FAT2: variants seen among roughly 807,000 people sequenced by gnomAD.
FAT2 encodes the protein protocadherin Fat 2.
Under a neutral mutation model 295.3 loss-of-function variants are expected in FAT2, and 150 were observed. The ratio of observed to expected loss-of-function variants is 0.51; its 90% CI spans 0.44 to 0.58. The LOEUF is 0.58. Among genes scored for constraint, FAT2 ranks in the 20% least tolerant of loss-of-function variants. The pLI is 0.00. For synonymous variants in FAT2, 2,026 were observed against 2,150.3 expected (o/e 0.94, Z 1.60); for missense variants, 4,868 against 5,442.7 (o/e 0.89, Z 3.32).
chr5:151,527,879 G>T, intron 16 of FAT2, 117 bp downstream of exon 16: 1 of 1,332,060 alleles, frequency 7.5e-7, no homozygotes, highest in East Asian at 2.3e-5. Context: ...AGACATTCTG[G>T]GAAGGTCTGA....
intron 20 of FAT2, among the ~76,000 whole-genome samples, chr5:151,515,812 A>G (rs1023988198): frequency 2.6e-5 from 4 of 152,174 alleles, no homozygotes; most frequent in African/African-American, 4.8e-5. Flanking sequence ...TTGTTTCTCT[A>G]AAGTCGATTC....
At chr5:151,575,510 G>A (rs1758708752) in intron 1 of FAT2, among the ~76,000 whole-genome samples, 1 of 152,228 alleles carries the variant, frequency 6.6e-6, no homozygotes, top group Non-Finnish European at 1.5e-5. Context: ...ACCTCCTGGA[G>A]TTGTTGAGAA....
At chr5:151,554,269 G>T in intron 5 of FAT2, 93 bp downstream of exon 5, 1 of 1,161,624 alleles carries the variant, frequency 8.6e-7, no homozygotes, top group Non-Finnish European at 1.2e-6. Context: ...TTTCCCTTAT[G>T]CTGGTGGGCT....
chr5:151,535,844 T>C (rs1755216796), intron 12 of FAT2, among the ~76,000 whole-genome samples: 1 of 152,180 alleles, frequency 6.6e-6, no homozygotes, highest in South Asian at 2.1e-4. Flanking sequence ...GGGTCTCCGC[T>C]GCTTGTTGTA....
rs996922642 is a variant in FAT2 at position 151,505,252 on chromosome 5, C to G, written c.*313G>C. On this transcript the variant is annotated 3_prime_UTR_variant, in exon 24 of 24. Transcript: ENST00000261800. ...AGGCTCTGCCCCGGGGACTGAGAGC[C>G]GGCAGATCAGGGAGCCCTCCTGTCT... 4.5e-6 allele frequency: 2 copies of G among 446,276 alleles called. No individual in the cohort carries two copies. Among genetic ancestry groups the G allele is most frequent in the Non-Finnish European group, 8.0e-6 (2 of 248,968 alleles). 27.6% of individuals were successfully genotyped at this position (446,276 alleles called of 1,614,324 possible). A position where few individuals can be genotyped will look rare whatever the true frequency, so the allele number is the denominator to read the frequency against.
At chr5:151,563,209 G>A (rs1758097328) in intron 3 of FAT2, 116 bp downstream of exon 3, 2 of 970,222 alleles carry the variant, frequency 2.1e-6, no homozygotes, top group Non-Finnish European at 3.1e-6. Context: ...TTTAGGGTGG[G>A]GCCAGAGAAT....
chr5:151,526,672 T>C (rs1366365572), intron 17 of FAT2, among the ~76,000 whole-genome samples: 1 of 152,186 alleles, frequency 6.6e-6, no homozygotes, highest in Non-Finnish European at 1.5e-5. Context: ...TCAGGTAACT[T>C]ATTATTTGCA....
chr5:151,565,657 ACCCC>A lies in FAT2; in HGVS notation c.3259+12_3259+15del. On this transcript the variant is annotated intron_variant, in intron 2 of 23. Transcript: ENST00000261800. ...ACCTCTGGCCCTGGCACCCCACCCTACCCCACCCCCAGTACCTGTATCTTGGTTG... is the reference window on the plus strand; with the variant it reads ...ACCTCTGGCCCTGGCACCCCACCCTAACCCCCAGTACCTGTATCTTGGTTG... 21 of 1,038,234 alleles carry A rather than the reference ACCCC, an allele frequency of 2.0e-5. No homozygotes were observed. The highest frequency in any genetic ancestry group is 2.6e-5 in the Non-Finnish European group (19 of 741,672). 64.3% of individuals were successfully genotyped at this position (1,038,234 alleles called of 1,614,324 possible).
At chr5:151,507,660 C>T in intron 22 of FAT2, 49 bp from the exon 23 acceptor site, 1 of 1,503,122 alleles carries the variant, frequency 6.7e-7, no homozygotes, top group East Asian at 2.3e-5. Context: ...TTGCCCTTTC[C>T]ATGTCCCCTC....
At chr5:151,517,976 T>C (rs1429383097) in intron 19 of FAT2, among the ~76,000 whole-genome samples, 1 of 152,206 alleles carries the variant, frequency 6.6e-6, no homozygotes, top group African/African-American at 2.4e-5. Flanking sequence ...TTTTGTTGAC[T>C]GCAGGGACCC....
intron 11 of FAT2, 105 bp from the exon 12 acceptor site, chr5:151,538,051 C>T: frequency 1.1e-6 from 1 of 940,818 alleles, no homozygotes; most frequent in East Asian, 2.5e-5. Context: ...AAGAGAGACA[C>T]TAAGAGGGCA....
At chr5:151,580,949 C>T (rs999640215) in intron 1 of FAT2, among the ~76,000 whole-genome samples, 2 of 152,128 alleles carry the variant, frequency 1.3e-5, no homozygotes, top group Non-Finnish European at 2.9e-5. Context: ...AAAAGGAATA[C>T]TGTTCCTCTT....
Position 151,542,848 on chromosome 5 carries a change from G to A in FAT2, c.8279C>T (p.Thr2760Ile). Residue 2760 changes from threonine (T) to isoleucine (I), a missense_variant, in exon 10 of 24, where the codon ACC becomes ATC. Around this residue, in one of 5 missense-constraint regions of FAT2, gnomAD observed 3,297 missense variants for 3,669.4 expected, o/e 0.90. Coordinates refer to ENST00000261800, the MANE Select transcript of FAT2 (RefSeq NM_001447.3). The stretch of plus-strand genomic sequence containing the variant: ...CATCACATCAATCTGGTACAATTTG[G>A]TGGATTCGTGGTCCATGGGCTTCCT... ...KVRKPMDHES[T>I]KLYQIDVMAH... 6.2e-7 allele frequency: 1 copy of A among 1,614,164 alleles called. No homozygotes were observed. The highest frequency in any genetic ancestry group is 8.5e-7 in the Non-Finnish European group (1 of 1,180,026).
intron 3 of FAT2, among the ~76,000 whole-genome samples, chr5:151,557,189 C>T (rs1241983314): frequency 6.6e-6 from 1 of 152,180 alleles, no homozygotes; most frequent in Non-Finnish European, 1.5e-5. Flanking sequence ...ATCTATGGAA[C>T]ATGTTTGCAT....
chr5:151,562,468 G>A (rs1434800445), intron 3 of FAT2, among the ~76,000 whole-genome samples: 1 of 152,174 alleles, frequency 6.6e-6, no homozygotes, highest in African/African-American at 2.4e-5. Flanking sequence ...AGCCAGGCAG[G>A]TGGTGTCAAT....
At chr5:151,556,884 C>T (rs553876399) in intron 3 of FAT2, among the ~76,000 whole-genome samples, 1 of 152,170 alleles carries the variant, frequency 6.6e-6, no homozygotes, top group Non-Finnish European at 1.5e-5. Flanking sequence ...GGAATATGAC[C>T]TCACTGTAGG....
chr5:151,535,355 T>C (rs1450747416), intron 12 of FAT2, among the ~76,000 whole-genome samples: 3 of 152,018 alleles, frequency 2.0e-5, no homozygotes, highest in African/African-American at 7.3e-5. Context: ...CCTTTTCTAA[T>C]TGTGGGTTTT....
At chr5:151,565,458 C>T (rs9324698) in intron 2 of FAT2, among the ~76,000 whole-genome samples, 1 of 151,806 alleles carries the variant, frequency 6.6e-6, no homozygotes, top group African/African-American at 2.4e-5. Flanking sequence ...AATATATGTG[C>T]ATATATGTGT....
chr5:151,578,533 G>T (rs985700106), intron 1 of FAT2, among the ~76,000 whole-genome samples: 1 of 152,176 alleles, frequency 6.6e-6, no homozygotes, highest in Admixed American at 6.6e-5. Flanking sequence ...ATGCAAATTA[G>T]TACAGCCATT....
Sources: allele counts gnomAD v4.1 joint callset (sites outside exome capture counted in the v4.1 genomes callset), GRCh38; gene constraint gnomAD v4.1.1; regional missense constraint gnomAD v4.1.1; transcripts MANE v1.5; gene names NCBI Gene and HGNC (gene_info 2026-07-23, HGNC 2026-07-21).